PDE3A: variants seen among roughly 807,000 people sequenced by gnomAD.
The protein encoded by PDE3A is cGMP-inhibited 3',5'-cyclic phosphodiesterase 3A.
PDE3A carries 43 observed loss-of-function variants against 98.3 expected under a neutral mutation model. The ratio of observed to expected loss-of-function variants is 0.44; its 90% confidence interval spans 0.34 to 0.56. The LOEUF (loss-of-function observed/expected upper bound fraction) is 0.56. Among genes scored for constraint, PDE3A ranks in the 20% least tolerant of loss-of-function variants. PDE3A has a pLI of 0.01. For missense variants in PDE3A, 1,427 were observed against 1,440.7 expected, an observed-to-expected ratio of 0.99 and a Z score of 0.15; for synonymous variants, 663 against 567.9, an observed-to-expected ratio of 1.17 and a Z score of -2.38.
At chr12:20,574,555 A>T (rs923949665) in intron 2 of PDE3A, among the ~76,000 whole-genome samples, 2 of 151,934 alleles carry the variant, frequency 1.3e-5, no homozygotes, top group African/African-American at 4.8e-5. Flanking sequence ...TGGAATAAAC[A>T]CTCTTATTTA....
intron 1 of PDE3A, among the ~76,000 whole-genome samples, chr12:20,413,238 A>T (rs189617793): frequency 6.6e-6 from 1 of 152,338 alleles, no homozygotes; most frequent in Admixed American, 6.5e-5. Context: ...GTTGAGCAGG[A>T]GGTAGCCAGG....
Position 20,650,586 on chromosome 12 carries a change from G to T in PDE3A, c.2911G>T (p.Glu971Ter), listed in dbSNP as rs1944893141. The T allele has an allele frequency of 6.2e-7, 1 of 1,609,822 alleles. No individual in the cohort carries two copies. The highest frequency in any genetic ancestry group is 1.1e-5 in the South Asian group (1 of 90,816). The change falls in exon 14 of 16, where the codon GAA becomes TAA. Residue 971 changes from glutamate (E) to a stop codon, truncating the protein, a stop_gained. Transcript: ENST00000359062. LOFTEE classifies it high-confidence loss of function. ...HLQWTDGIVN[E>*]FYEQGDEEAS... is the part of the protein sequence containing the mutation. ...TCAGTGGACAGATGGTATTGTCAAT[G>T]AATTTTATGAACAGGTAACTGACCA...
At chr12:20,424,828 C>T (rs1022793059) in intron 1 of PDE3A, among the ~76,000 whole-genome samples, 2 of 152,190 alleles carry the variant, frequency 1.3e-5, no homozygotes, top group Non-Finnish European at 2.9e-5. Context: ...GACAGTGGAT[C>T]ATGAAGCAAT....
intron 15 of PDE3A, 108 bp from the exon 16 acceptor site, chr12:20,679,916 ATATAAT>A: frequency 5.0e-6 from 1 of 199,290 alleles, no homozygotes; most frequent in Non-Finnish European, 9.8e-6. Context: ...ATATAATATA[ATATAAT>A]AAGGTTATGG....
At chr12:20,598,023 T>C (rs1463851981) in intron 2 of PDE3A, among the ~76,000 whole-genome samples, 3 of 152,168 alleles carry the variant, frequency 2.0e-5, no homozygotes, top group African/African-American at 7.2e-5. Flanking sequence ...ACAGTGTTTC[T>C]TTAGAGAAAA....
intron 1 of PDE3A, among the ~76,000 whole-genome samples, chr12:20,448,093 C>T (rs1944989591): frequency 6.6e-6 from 1 of 152,142 alleles, no homozygotes; most frequent in Non-Finnish European, 1.5e-5. Context: ...TGGGAAGTCA[C>T]AGCGAGGAGC....
At chr12:20,386,008 A>ATATATATAAAATATATATATAAC (rs1943757018) in intron 1 of PDE3A, among the ~76,000 whole-genome samples, 1 of 105,780 alleles carries the variant, frequency 9.5e-6, no homozygotes, top group African/African-American at 3.8e-5. Context: ...ATATATATAA[A>ATATATATAAAATATATATATAAC]TATATATAAA....
At chr12:20,673,663 A>G (rs1945551730) in intron 15 of PDE3A, among the ~76,000 whole-genome samples, 1 of 145,326 alleles carries the variant, frequency 6.9e-6, no homozygotes, top group Non-Finnish European at 1.5e-5. Context: ...GAACACATGG[A>G]CACAGGAAGG....
chr12:20,551,571 G>T, intron 1 of PDE3A: 4 of 1,528,134 alleles, frequency 2.6e-6, no homozygotes, highest in Non-Finnish European at 3.5e-6. Flanking sequence ...CCCCCGAGCG[G>T]GTCTGCGCCT....
chr12:20,393,991 T>C (rs1486428887), intron 1 of PDE3A, among the ~76,000 whole-genome samples: 2 of 152,072 alleles, frequency 1.3e-5, no homozygotes, highest in African/African-American at 4.8e-5. Flanking sequence ...AGAAAAAGTT[T>C]ACAAATCGCA....
Position 20,552,065 on chromosome 12 carries a change from C to T in PDE3A, c.961-4595C>T, listed in dbSNP as rs1012587935. The T allele has an allele frequency of 2.2e-5, 36 of 1,608,034 alleles. No homozygotes were observed. The highest frequency in any genetic ancestry group is 2.8e-5 in the Non-Finnish European group (33 of 1,179,614). On this transcript the variant is annotated intron_variant, in intron 1 of 15. Coordinates refer to ENST00000359062, the MANE Select transcript of PDE3A (RefSeq NM_000921.5). This position sits in a 1 kb window ranked among gnomAD's most constrained non-coding sequence, Gnocchi z 5.1. ...GACCATGGGAATTTTTTCACATACA[C>T]GGGTAGTGGTGGTCGAGAGCTTTCC...
chr12:20,431,458 T>C (rs566395800), intron 1 of PDE3A, among the ~76,000 whole-genome samples: 1 of 152,290 alleles, frequency 6.6e-6, no homozygotes, highest in East Asian at 1.9e-4. Flanking sequence ...GACATTAGTT[T>C]CCTTAGCTGC....
intron 1 of PDE3A, among the ~76,000 whole-genome samples, chr12:20,433,888 T>C (rs981679924): frequency 2.0e-5 from 3 of 151,940 alleles, no homozygotes; most frequent in Admixed American, 1.3e-4. Flanking sequence ...AATTCCTACA[T>C]GGTCCCAGTG....
At position 20,535,715 on chromosome 12, in the gene PDE3A, C is replaced by T. The variant is rs572736346; in HGVS notation, c.961-20945C>T. ...AATGAGATGGCCAGAATACTGTCTT[C>T]GTTGTACAGGCAGCATCCAACAGCT... is the stretch of plus-strand genomic sequence containing the variant. On this transcript the variant is annotated intron_variant, in intron 1 of 15. Coordinates refer to ENST00000359062, the MANE Select transcript of PDE3A (RefSeq NM_000921.5). Among the ~76,000 whole-genome samples, 97 of 152,162 alleles carry T rather than the reference C, an allele frequency of 6.4e-4. 1 individual carries two copies. Among genetic ancestry groups the T allele is most frequent in the Non-Finnish European group, 1.3e-3 (91 of 67,980 alleles).
rs1945969090 is a variant in PDE3A at position 20,686,560 on chromosome 12, T to C, written c.*6289T>C. Reference sequence around the variant, plus strand: ...AACAAAACTTTGTAAGCCTTAATGGTTTAATATTTCCGTGTCATTGAAAGT... The same window carrying C: ...AACAAAACTTTGTAAGCCTTAATGGCTTAATATTTCCGTGTCATTGAAAGT... On this transcript the variant is annotated 3_prime_UTR_variant, in exon 16 of 16. Transcript: ENST00000359062. Among the ~76,000 whole-genome samples, 1 of 152,114 alleles carries C rather than the reference T, an allele frequency of 6.6e-6. No individual in the cohort carries two copies. The highest frequency in any genetic ancestry group is 1.5e-5 in the Non-Finnish European group (1 of 67,984).
chr12:20,545,816 T>G (rs1298062559), intron 1 of PDE3A, among the ~76,000 whole-genome samples: 1 of 150,488 alleles, frequency 6.6e-6, no homozygotes, highest in Non-Finnish European at 1.5e-5. Context: ...CAAAAAAACC[T>G]GAAAAAACAA....
intron 10 of PDE3A, 111 bp from the exon 11 acceptor site, chr12:20,646,379 C>A (rs1474604149): frequency 4.7e-6 from 3 of 642,588 alleles, no homozygotes; most frequent in Non-Finnish European, 8.4e-6. Context: ...GGCCAACTTT[C>A]ATGGAAATAG....
chr12:20,554,737 C>A (rs1942322521), intron 1 of PDE3A, among the ~76,000 whole-genome samples: 1 of 151,934 alleles, frequency 6.6e-6, no homozygotes, highest in African/African-American at 2.4e-5. Flanking sequence ...TAGGCGTGCC[C>A]CACCACGCCC....
At position 20,618,067 on chromosome 12, in the gene PDE3A, T is replaced by G. The variant is rs558956958; in HGVS notation, c.1424+1683T>G. Among the ~76,000 whole-genome samples the G allele has an allele frequency of 2.0e-5, 3 of 152,290 alleles. No homozygotes were observed. The South Asian group carries it at 6.2e-4, about 32-fold the overall frequency. ...TTCCTGAAAATACTCGTAGATGTCT[T>G]GTCTGGACATTCATTTTCCTCACTG... On this transcript the variant is annotated intron_variant, in intron 4 of 15. Coordinates refer to ENST00000359062, the MANE Select transcript of PDE3A (RefSeq NM_000921.5).
Sources: allele counts gnomAD v4.1 joint callset (sites outside exome capture counted in the v4.1 genomes callset), GRCh38; gene constraint gnomAD v4.1.1; non-coding constraint Gnocchi (gnomAD v3.1); transcripts MANE v1.5; gene names NCBI Gene and HGNC (gene_info 2026-07-23, HGNC 2026-07-21).